The following TMCC1 variants were observed in gnomAD, a reference collection of about 807,000 sequenced individuals.
TMCC1 encodes the protein transmembrane and coiled-coil domains protein 1.
In TMCC1, 15 loss-of-function variants were observed where a neutral mutation model predicts 52.4. The observed-to-expected ratio is 0.29, with a 90% CI of 0.19 to 0.44. TMCC1 has a LOEUF of 0.44. TMCC1 is among the 20% of genes least tolerant of loss of function. The probability of loss-of-function intolerance (pLI) is 1.00; values close to 1 mark genes in which losing one functional copy is unlikely to be tolerated. For missense variants in TMCC1, 503 were observed against 806.0 expected, an observed-to-expected ratio of 0.62 and a Z score of 4.55; for synonymous variants, 279 against 301.9, an observed-to-expected ratio of 0.92 and a Z score of 0.79.
At chr3:129,826,651 G>A (rs1419090882) in intron 4 of TMCC1, among the ~76,000 whole-genome samples, 1 of 151,720 alleles carries the variant, frequency 6.6e-6, no homozygotes, top group Non-Finnish European at 1.5e-5. Context: ...TCATATTTAG[G>A]TAGGAAAGGT....
At chr3:129,869,679 T>C (rs1245958154) in intron 2 of TMCC1, among the ~76,000 whole-genome samples, 2 of 152,260 alleles carry the variant, frequency 1.3e-5, no homozygotes, top group African/African-American at 4.8e-5. Context: ...TCTTGGGATA[T>C]ATTTGTAAAG....
At chr3:129,675,794 T>C (rs532465868) in intron 4 of TMCC1, among the ~76,000 whole-genome samples, 1 of 152,220 alleles carries the variant, frequency 6.6e-6, no homozygotes, top group Non-Finnish European at 1.5e-5. Context: ...TCTCAGCACT[T>C]TGAGAGGCCG....
At chr3:129,822,354 C>T (rs1006705701) in intron 4 of TMCC1, among the ~76,000 whole-genome samples, 1 of 152,102 alleles carries the variant, frequency 6.6e-6, no homozygotes, top group African/African-American at 2.4e-5. Flanking sequence ...GTGGGAAAAT[C>T]CCTTGAGCCC....
chr3:129,861,209 G>A (rs763271410), intron 2 of TMCC1, among the ~76,000 whole-genome samples: 1 of 152,164 alleles, frequency 6.6e-6, no homozygotes, highest in African/African-American at 2.4e-5. Context: ...GGGAGGCCGA[G>A]GCGGGCGGAT....
chr3:129,736,524 CT>C (rs758923804), intron 4 of TMCC1, among the ~76,000 whole-genome samples: 251 of 139,276 alleles, frequency 1.8e-3, no homozygotes, highest in Middle Eastern at 3.8e-3. Flanking sequence ...ATTTTCTTTT[CT>C]TTTTTTTTTT....
chr3:129,846,353 G>A (rs1361484366), intron 2 of TMCC1, among the ~76,000 whole-genome samples: 10 of 152,164 alleles, frequency 6.6e-5, no homozygotes, highest in Admixed American at 3.3e-4. Context: ...ACTACTTATA[G>A]AAGTGAAACC....
intron 4 of TMCC1, among the ~76,000 whole-genome samples, chr3:129,740,982 C>T (rs1302476344): frequency 6.6e-6 from 1 of 152,194 alleles, no homozygotes; most frequent in African/African-American, 2.4e-5. Flanking sequence ...GATCACCAAT[C>T]TCAGGACTCA....
chr3:129,880,260 C>T (rs2061401484), intron 2 of TMCC1, 49 bp downstream of exon 2: 2 of 152,110 alleles, frequency 1.3e-5, no homozygotes, highest in South Asian at 4.1e-4. Context: ...TTATACTGTT[C>T]TGAGTGCCTG....
At chr3:129,865,972 G>A (rs981146309) in intron 2 of TMCC1, among the ~76,000 whole-genome samples, 2 of 152,078 alleles carry the variant, frequency 1.3e-5, no homozygotes, top group African/African-American at 4.8e-5. Flanking sequence ...GCAGATTTGA[G>A]TGTCATCTAC....
At chr3:129,746,273 T>C (rs183754755) in intron 4 of TMCC1, among the ~76,000 whole-genome samples, 1 of 151,990 alleles carries the variant, frequency 6.6e-6, no homozygotes, top group African/African-American at 2.4e-5. Context: ...CAGCTTCAAG[T>C]GATTCTCCTG....
At chr3:129,844,503 G>A (rs1373230649) in intron 2 of TMCC1, among the ~76,000 whole-genome samples, 1 of 152,036 alleles carries the variant, frequency 6.6e-6, no homozygotes, top group Non-Finnish European at 1.5e-5. Context: ...CCCAACATTC[G>A]GTGTTTTTTT....
intron 4 of TMCC1, among the ~76,000 whole-genome samples, chr3:129,794,956 T>C (rs2107758040): frequency 6.6e-6 from 1 of 152,334 alleles, no homozygotes; most frequent in East Asian, 1.9e-4. Flanking sequence ...AGCCCCTGGC[T>C]GTACCAGCTC....
At chr3:129,859,166 A>G (rs1387055655) in intron 2 of TMCC1, among the ~76,000 whole-genome samples, 1 of 152,180 alleles carries the variant, frequency 6.6e-6, no homozygotes, top group African/African-American at 2.4e-5. Flanking sequence ...TCCAATAACC[A>G]CATGTAAATC....
chr3:129,751,227 G>GA (rs1227925224), intron 4 of TMCC1, among the ~76,000 whole-genome samples: 1 of 149,178 alleles, frequency 6.7e-6, no homozygotes, highest in Non-Finnish European at 1.5e-5. Context: ...AAAAATTCGG[G>GA]AAAAAAAAGA....
intron 4 of TMCC1, among the ~76,000 whole-genome samples, chr3:129,756,544 G>A (rs1034727468): frequency 5.9e-5 from 9 of 151,998 alleles, no homozygotes; most frequent in Non-Finnish European, 7.4e-5. Flanking sequence ...GACTACAGGC[G>A]CCCACCACCA....
chr3:129,652,551 G>C (rs1395001555), intron 6 of TMCC1, among the ~76,000 whole-genome samples: 2 of 152,100 alleles, frequency 1.3e-5, no homozygotes, highest in African/African-American at 4.8e-5. Context: ...AAGACCTAAG[G>C]CCATGCCAGA....
Position 129,814,161 on chromosome 3 carries a change from T to A in TMCC1, c.576+13642A>T, listed in dbSNP as rs74843756. On this transcript the variant is annotated intron_variant, in intron 4 of 6. Coordinates refer to ENST00000393238, the MANE Select transcript of TMCC1 (RefSeq NM_001017395.5). ...AAGACATTAGGAGAAGACCTGAGCG[T>A]AAGGTTTAGATAAGATGCCAGACAA... Among the ~76,000 whole-genome samples, 1,016 of 152,186 alleles carry A rather than the reference T, an allele frequency of 6.7e-3. 11 individuals carry two copies. The highest frequency in any genetic ancestry group is 0.017 in the Middle Eastern group (5 of 294).
At chr3:129,674,733 A>G (rs983646663) in intron 4 of TMCC1, among the ~76,000 whole-genome samples, 1 of 152,248 alleles carries the variant, frequency 6.6e-6, no homozygotes, top group Non-Finnish European at 1.5e-5. Flanking sequence ...ATTAATACTT[A>G]GCACTTAGCT....
chr3:129,824,138 C>A (rs528325872), intron 4 of TMCC1, among the ~76,000 whole-genome samples: 2 of 152,060 alleles, frequency 1.3e-5, no homozygotes, highest in African/African-American at 4.8e-5. Context: ...GAGTTTGAGA[C>A]CAGCGTGGCC....
Sources: allele counts gnomAD v4.1 joint callset (sites outside exome capture counted in the v4.1 genomes callset), GRCh38; gene constraint gnomAD v4.1.1; transcripts MANE v1.5; gene names NCBI Gene and HGNC (gene_info 2026-07-23, HGNC 2026-07-21).